ZNF770: variants seen among roughly 807,000 people sequenced by gnomAD.
The protein encoded by ZNF770 is zinc finger protein 770.
In ZNF770, 13 loss-of-function variants were observed where a neutral mutation model predicts 44.8. The observed-to-expected ratio is 0.29, with a 90% confidence interval of 0.19 to 0.46. ZNF770 has a LOEUF of 0.46. Ranked by LOEUF, ZNF770 falls within the 20% of genes least tolerant of loss-of-function variation. The pLI is 1.00. For missense variants in ZNF770, 681 were observed against 797.9 expected, an observed-to-expected ratio of 0.85 and a Z score of 1.77; for synonymous variants, 304 against 271.8, an observed-to-expected ratio of 1.12 and a Z score of -1.17.
chr15:34,982,132 C>T lies in ZNF770; in HGVS notation c.1303G>A (p.Val435Met), dbSNP rs1305311622. The T allele has an allele frequency of 1.2e-6, 2 of 1,613,918 alleles. No homozygotes were observed. The highest frequency in any genetic ancestry group is 1.3e-5 in the African/African-American group (1 of 74,940). Reference sequence around the variant, plus strand: ...CAGATTGACAAGTCTTTCTTATTCACTGAATTATCAATGCTTAATATGTTT... The same window carrying T: ...CAGATTGACAAGTCTTTCTTATTCATTGAATTATCAATGCTTAATATGTTT... ...TENILSIDNS[V>M]NKKDLSICGS... Residue 435 changes from valine to methionine, a missense_variant, in exon 3 of 3, where the codon GTG (valine) becomes ATG (methionine). Val to Met is a conservative substitution (Grantham distance 21). This residue lies in a region of ZNF770 where 432 missense variants were observed against 434.1 expected (regional missense o/e 1.00). Transcript: ENST00000356321.
Position 34,981,351 on chromosome 15 carries a change from G to T in ZNF770, c.*8C>A. On this transcript the variant is annotated 3_prime_UTR_variant, in exon 3 of 3. Transcript: ENST00000356321. Reference sequence around the variant, plus strand: ...CCAGAGACCACAATTGTTAGTGGTTGCGACAATTTACATAACCGAATCTAA... The same window carrying T: ...CCAGAGACCACAATTGTTAGTGGTTTCGACAATTTACATAACCGAATCTAA... 6.3e-7 allele frequency: 1 copy of T among 1,597,944 alleles called. No individual in the cohort carries two copies.
In ZNF770 at chr15:34,982,370, T is replaced by C. The variant is rs368606659; in HGVS notation, c.1065A>G (p.Gln355=). The C allele has an allele frequency of 6.2e-6, 10 of 1,609,164 alleles. No homozygotes were observed. In the African/African-American group the frequency reaches 8.0e-5, roughly 13 times the overall value. ...RARSKKLDNF[Q]SEKKVFKKSF... is the part of the protein sequence containing the mutation. ...TCTTTTTAAATACTTTTTTCTCAGA[T>C]TGAAAGTTATCTAATTTTTTACTCC... Residue 355 remains glutamine (Q), a synonymous_variant, in exon 3 of 3, where the codon CAA becomes CAG. Transcript: ENST00000356321.
rs1272134741 is a variant in ZNF770, at chr15:34,979,613, T to C, written c.*1746A>G. 2.2e-6 allele frequency: 1 copy of C among 450,060 alleles called. No individual in the cohort carries two copies. The highest frequency in any genetic ancestry group is 1.6e-5 in the South Asian group (1 of 63,076). The allele number at this position is 450,060 out of a possible 1,614,324, so 27.9% of individuals were successfully genotyped here. On this transcript the variant is annotated 3_prime_UTR_variant, in exon 3 of 3. Transcript: ENST00000356321. ...AAATTAAACCCAAGTTACTTAAAAA[T>C]CACCTGTGGTAAAAGAAGCAAGCAG...
At position 34,981,345 on chromosome 15, in the gene ZNF770, G is replaced by A; in HGVS notation, c.*14C>T. 2 of 1,592,364 alleles carry A rather than the reference G, an allele frequency of 1.3e-6. No homozygotes were observed. The highest frequency in any genetic ancestry group is 2.2e-5 in the East Asian group (1 of 44,708). On this transcript the variant is annotated 3_prime_UTR_variant, in exon 3 of 3. Transcript: ENST00000356321. ...AGATCACCAGAGACCACAATTGTTA[G>A]TGGTTGCGACAATTTACATAACCGA...
At position 34,980,222 on chromosome 15, in the gene ZNF770, C is replaced by T. The variant is rs2140519045; in HGVS notation, c.*1137G>A. ...TGGAGATGAAGATCTCTAGAATAGT[C>T]TTAAGTCTATGACTACTGCTATCAT... is the stretch of plus-strand genomic sequence containing the variant. On this transcript the variant is annotated 3_prime_UTR_variant, in exon 3 of 3. Coordinates refer to ENST00000356321, the MANE Select transcript of ZNF770 (RefSeq NM_014106.4). The T allele has an allele frequency of 6.6e-6, 1 of 152,314 alleles. No individual in the cohort carries two copies. Among genetic ancestry groups the T allele is most frequent in the South Asian group, 2.1e-4 (1 of 4,832 alleles). 9.4% of individuals were successfully genotyped at this position (152,314 alleles called of 1,614,324 possible).
In ZNF770 at chr15:34,982,453, T is replaced by C; in HGVS notation, c.982A>G (p.Arg328Gly). ...RSGKIPSRFK[R>G]SYNYKTIVKK... ...ACAATGGTTTTATAGTTGTAGCTTC[T>C]TTTGAACCTGCTTGGAATTTTGCCA... Residue 328 changes from arginine to glycine, a missense_variant, in exon 3 of 3, where the codon AGA becomes GGA. Arg to Gly is a moderately radical substitution (Grantham distance 125). Coordinates refer to ENST00000356321, the MANE Select transcript of ZNF770 (RefSeq NM_014106.4). 1.2e-6 allele frequency: 2 copies of C among 1,614,032 alleles called. No individual in the cohort carries two copies. Among genetic ancestry groups the C allele is most frequent in the Non-Finnish European group, 1.7e-6 (2 of 1,179,966 alleles).
In ZNF770 at chr15:34,979,525, A is replaced by G. The variant is rs887436089; in HGVS notation, c.*1834T>C. ...TTTTGCTGGATGTCTGTATCTACAT[A>G]ATAAACAGGCACACTTCTACATCAC... On this transcript the variant is annotated 3_prime_UTR_variant, in exon 3 of 3. Coordinates refer to ENST00000356321, the MANE Select transcript of ZNF770 (RefSeq NM_014106.4). 5.6e-6 allele frequency: 2 copies of G among 359,568 alleles called. No individual in the cohort carries two copies. The highest frequency in any genetic ancestry group is 1.1e-5 in the Non-Finnish European group (2 of 182,004). 22.3% of individuals were successfully genotyped at this position (359,568 alleles called of 1,614,324 possible). A position where few individuals can be genotyped will look rare whatever the true frequency, so the allele number is the denominator to read the frequency against.
Position 34,983,459 on chromosome 15 carries a change from A to G in ZNF770, c.-25T>C. On this transcript the variant is annotated 5_prime_UTR_variant, in exon 3 of 3. Coordinates refer to ENST00000356321, the MANE Select transcript of ZNF770 (RefSeq NM_014106.4). Reference sequence around the variant, plus strand: ...TATTCTTCAATGATATACTCTGATGAGCTCCATACTGTTCTTAAATTCCAC... The same window carrying G: ...TATTCTTCAATGATATACTCTGATGGGCTCCATACTGTTCTTAAATTCCAC... 7.1e-7 allele frequency: 1 copy of G among 1,416,562 alleles called. No individual in the cohort carries two copies. The highest frequency in any genetic ancestry group is 9.3e-7 in the Non-Finnish European group (1 of 1,077,778). 87.7% of individuals were successfully genotyped at this position (1,416,562 alleles called of 1,614,324 possible). A position where few individuals can be genotyped will look rare whatever the true frequency, so the allele number is the denominator to read the frequency against.
rs778814480 is a variant in ZNF770, at chr15:34,982,378, T to C, written c.1057A>G (p.Asn353Asp). The stretch of plus-strand genomic sequence containing the variant: ...AATACTTTTTTCTCAGATTGAAAGT[T>C]ATCTAATTTTTTACTCCTAGCACGC... ...LKRARSKKLD[N>D]FQSEKKVFKK... Residue 353 changes from asparagine to aspartate, a missense_variant, in exon 3 of 3, where the codon AAC becomes GAC. By Grantham distance (23) the Asn-to-Asp change is conservative. This residue lies in a region of ZNF770 where 432 missense variants were observed against 434.1 expected (regional missense o/e 1.00). Transcript: ENST00000356321. 6.2e-7 allele frequency: 1 copy of C among 1,609,058 alleles called. No homozygotes were observed. Among genetic ancestry groups the C allele is most frequent in the South Asian group, 1.1e-5 (1 of 89,814 alleles).
rs750517427 is a variant in ZNF770 at position 34,982,380 on chromosome 15, T to C, written c.1055A>G (p.Asp352Gly). Residue 352 changes from aspartate (D) to glycine (G), a missense_variant, in exon 3 of 3, where the codon GAT becomes GGT. Around this residue, in one of 5 missense-constraint regions of ZNF770, gnomAD observed 432 missense variants for 434.1 expected, o/e 1.00. Coordinates refer to ENST00000356321, the MANE Select transcript of ZNF770 (RefSeq NM_014106.4). ...KLKRARSKKL[D>G]NFQSEKKVFK... ...TACTTTTTTCTCAGATTGAAAGTTA[T>C]CTAATTTTTTACTCCTAGCACGCTT... is the stretch of plus-strand genomic sequence containing the variant. The C allele has an allele frequency of 1.2e-6, 2 of 1,609,080 alleles. No individual in the cohort carries two copies. The highest frequency in any genetic ancestry group is 8.5e-7 in the Non-Finnish European group (1 of 1,178,320).
chr15:34,983,566 G>C (rs1488131318), intron 2 of ZNF770, 76 bp from the exon 3 acceptor site: 1 of 802,166 alleles, frequency 1.2e-6, no homozygotes, highest in East Asian at 3.2e-5. Context: ...TTGTTCTTTG[G>C]CTGAAGATAT....
In ZNF770 at chr15:34,981,303, T is replaced by C. The variant is rs1306699577; in HGVS notation, c.*56A>G. 6.7e-7 allele frequency: 1 copy of C among 1,490,022 alleles called. No homozygotes were observed. Among genetic ancestry groups the C allele is most frequent in the East Asian group, 2.3e-5 (1 of 42,582 alleles). The allele number at this position is 1,490,022 out of a possible 1,614,324, so 92.3% of individuals were successfully genotyped here. A position where few individuals can be genotyped will look rare whatever the true frequency, so the allele number is the denominator to read the frequency against. On this transcript the variant is annotated 3_prime_UTR_variant, in exon 3 of 3. Transcript: ENST00000356321. Reference sequence around the variant, plus strand: ...TTCAATAAAAATGCATTTTAAATAATACAGGCTTTAAAAATAAGATCACCA... The same window carrying C: ...TTCAATAAAAATGCATTTTAAATAACACAGGCTTTAAAAATAAGATCACCA...
In ZNF770 at chr15:34,982,948, T is replaced by C. The variant is rs777840573; in HGVS notation, c.487A>G (p.Thr163Ala). 59 of 1,614,086 alleles carry C rather than the reference T, an allele frequency of 3.7e-5. No homozygotes were observed. The highest frequency in any genetic ancestry group is 4.7e-5 in the Non-Finnish European group (56 of 1,179,990). Residue 163 changes from threonine (T) to alanine (A), a missense_variant, in exon 3 of 3, where the codon ACA becomes GCA. Around this residue, in one of 5 missense-constraint regions of ZNF770, gnomAD observed 432 missense variants for 434.1 expected, o/e 1.00. Transcript: ENST00000356321. Reference sequence around the variant, plus strand: ...GATGGAAACATCTTGCCACAGATTGTACATGCATGAATATTCTTTCTTCTT... The same window carrying C: ...GATGGAAACATCTTGCCACAGATTGCACATGCATGAATATTCTTTCTTCTT... ...MKRRKNIHAC[T>A]ICGKMFPSQS...
chr15:34,985,887 A>T (rs140306381), intron 2 of ZNF770, among the ~76,000 whole-genome samples: 182 of 152,226 alleles, frequency 1.2e-3, no homozygotes, highest in Non-Finnish European at 2.3e-3. Context: ...ACAGAGCAAG[A>T]CTCTCAAAAA....
At position 34,980,439 on chromosome 15, in the gene ZNF770, T is replaced by G. The variant is rs2050393552; in HGVS notation, c.*920A>C. The G allele has an allele frequency of 2.0e-5, 3 of 152,124 alleles. No homozygotes were observed. The highest frequency in any genetic ancestry group is 1.3e-4 in the Admixed American group (2 of 15,270). 9.4% of individuals were successfully genotyped at this position (152,124 alleles called of 1,614,324 possible). ...ACTAGCTGGGAGAAAAAAAAAATCC[T>G]TATCACCTGAAGGTGAAATTACCAC... On this transcript the variant is annotated 3_prime_UTR_variant, in exon 3 of 3. Coordinates refer to ENST00000356321, the MANE Select transcript of ZNF770 (RefSeq NM_014106.4).
At position 34,983,305 on chromosome 15, in the gene ZNF770, T is replaced by G; in HGVS notation, c.130A>C (p.Arg44=). ...KHFETPSKLA[R]HYLIHTGQKP... is the part of the protein sequence containing the mutation. ...TGACCAGTATGAATGAGATAGTGCC[T>G]AGCTAATTTTGATGGTGTTTCAAAG... is the stretch of plus-strand genomic sequence containing the variant. The change falls in exon 3 of 3, where the codon AGG becomes CGG. Residue 44 remains arginine, a synonymous_variant. Transcript: ENST00000356321. The G allele has an allele frequency of 6.2e-7, 1 of 1,613,444 alleles. No homozygotes were observed. The highest frequency in any genetic ancestry group is 8.5e-7 in the Non-Finnish European group (1 of 1,179,516).
chr15:34,980,696 G>C lies in ZNF770; in HGVS notation c.*663C>G, dbSNP rs915531134. 2.6e-5 allele frequency: 4 copies of C among 152,164 alleles called. No homozygotes were observed. The highest frequency in any genetic ancestry group is 9.7e-5 in the African/African-American group (4 of 41,396). 9.4% of individuals were successfully genotyped at this position (152,164 alleles called of 1,614,324 possible). ...GGAGGCTGAGGCAGGAGAATCGCTG[G>C]AATCTGGGATGCGGAGGTTGCAGTG... is the stretch of plus-strand genomic sequence containing the variant. On this transcript the variant is annotated 3_prime_UTR_variant, in exon 3 of 3. Coordinates refer to ENST00000356321, the MANE Select transcript of ZNF770 (RefSeq NM_014106.4).
Position 34,979,425 on chromosome 15 carries a change from T to A in ZNF770, c.*1934A>T, listed in dbSNP as rs1430053961. ...GTAAAGCAAATTCTGTAAACCATTA[T>A]CTTGCTTGCACTGGAGGAACATATC... On this transcript the variant is annotated 3_prime_UTR_variant, in exon 3 of 3. Coordinates refer to ENST00000356321, the MANE Select transcript of ZNF770 (RefSeq NM_014106.4). 1 of 216,546 alleles carries A rather than the reference T, an allele frequency of 4.6e-6. No homozygotes were observed. The highest frequency in any genetic ancestry group is 9.6e-6 in the Non-Finnish European group (1 of 103,928). 13.4% of individuals were successfully genotyped at this position (216,546 alleles called of 1,614,324 possible).
Position 34,981,649 on chromosome 15 carries a change from A to C in ZNF770, c.1786T>G (p.Cys596Gly), listed in dbSNP as rs1212271185. The stretch of plus-strand genomic sequence containing the variant: ...GATTCCAAAAGTACATTAGGAAGAC[A>C]GGGTTGCCCGGTGCTACCAGGAATA... ...DFIPGSTGQPCLPNVLLESEQ... is the reference protein window; with the variant it reads ...DFIPGSTGQPGLPNVLLESEQ... The change falls in exon 3 of 3, where the codon TGT becomes GGT. Residue 596 changes from cysteine (C) to glycine (G), a missense_variant. Coordinates refer to ENST00000356321, the MANE Select transcript of ZNF770 (RefSeq NM_014106.4). 1.2e-6 allele frequency: 2 copies of C among 1,614,176 alleles called. No individual in the cohort carries two copies. Among genetic ancestry groups the C allele is most frequent in the Admixed American group, 3.3e-5 (2 of 60,024 alleles).
Sources: gnomAD v4.1 joint callset for allele counts (sites outside exome capture counted in the v4.1 genomes callset) on GRCh38, gnomAD v4.1.1 for gene constraint, gnomAD v4.1.1 regional missense constraint, MANE v1.5 for transcripts, NCBI Gene and HGNC (gene_info 2026-07-23, HGNC 2026-07-21) for gene names.